Variants in CLIP1 observed in about 807,000 individuals in gnomAD.
CLIP1 encodes the protein CAP-Gly domain containing linker protein 1, also known as CAP-Gly domain-containing linker protein 1.
Under a neutral mutation model 161.6 loss-of-function variants are expected in CLIP1, and 66 were observed. The ratio of observed to expected loss-of-function variants is 0.41; its 90% CI spans 0.33 to 0.50. The LOEUF (loss-of-function observed/expected upper bound fraction) is 0.50, where lower values mean the gene tolerates loss of function less well. CLIP1 is among the 20% of genes least tolerant of loss of function. CLIP1 has a pLI of 0.27. For synonymous variants in CLIP1, 598 were observed against 626.2 expected (o/e 0.96, Z 0.67); for missense variants, 1,376 against 1,702.0 (o/e 0.81, Z 3.37).
intron 24 of CLIP1, 61 bp downstream of exon 24, chr12:122,278,093 G>A (rs1426763693): frequency 3.0e-5 from 45 of 1,481,032 alleles, no homozygotes; most frequent in Non-Finnish European, 3.7e-5. Context: ...GAAAATAAAC[G>A]AAAAGATTCA....
chr12:122,371,336 T>C (rs1313843618), intron 3 of CLIP1, among the ~76,000 whole-genome samples: 2 of 152,126 alleles, frequency 1.3e-5, no homozygotes, highest in Admixed American at 6.5e-5. Flanking sequence ...CAAGAGCCTA[T>C]ACAAAGTTCT....
intron 18 of CLIP1, among the ~76,000 whole-genome samples, chr12:122,317,361 G>A (rs1951311235): frequency 6.6e-6 from 1 of 152,136 alleles, no homozygotes; most frequent in Non-Finnish European, 1.5e-5. Flanking sequence ...TTTGTAGACT[G>A]GAAAAAAATT....
chr12:122,327,899 A>C, intron 17 of CLIP1, 48 bp downstream of exon 17: 2 of 1,568,452 alleles, frequency 1.3e-6, no homozygotes, highest in Non-Finnish European at 1.8e-6. Context: ...GCCTCGACAC[A>C]GAGCTCAGGC....
intron 20 of CLIP1, among the ~76,000 whole-genome samples, chr12:122,305,045 A>T (rs1342102883): frequency 1.3e-5 from 2 of 152,220 alleles, no homozygotes; most frequent in Non-Finnish European, 2.9e-5. Flanking sequence ...CATGAAATAC[A>T]GTTATTGAGT....
chr12:122,386,737 C>T (rs2136911447), intron 1 of CLIP1, among the ~76,000 whole-genome samples: 1 of 149,926 alleles, frequency 6.7e-6, no homozygotes, highest in South Asian at 2.1e-4. Context: ...CAGTGGTTCA[C>T]ATCTGTAATC....
rs1394329024 is a variant in CLIP1 at position 122,387,544 on chromosome 12, T to TTTCA, written c.-106-6990_-106-6987dup. ...AATTTCAACCCTTGAATACATGCCT[T>TTTCA]TTCATATATATATATATATATATAT... On this transcript the variant is annotated intron_variant, in intron 1 of 25. Coordinates refer to ENST00000620786, the MANE Select transcript of CLIP1 (RefSeq NM_001247997.2). Among the ~76,000 whole-genome samples the TTTCA allele has an allele frequency of 1.0e-4, 10 of 99,344 alleles. No homozygotes were observed. In the South Asian group the frequency reaches 2.0e-3, roughly 20 times the overall value. 65.2% of individuals were successfully genotyped at this position (99,344 alleles called of 152,430 possible). A position where few individuals can be genotyped will look rare whatever the true frequency, so the allele number is the denominator to read the frequency against.
intron 10 of CLIP1, among the ~76,000 whole-genome samples, chr12:122,346,491 G>A (rs1952754849): frequency 6.6e-6 from 1 of 152,076 alleles, no homozygotes; most frequent in South Asian, 2.1e-4. Flanking sequence ...CCTCACCACT[G>A]AGGGTTTTTT....
At chr12:122,303,680 C>A (rs1266630632) in intron 20 of CLIP1, among the ~76,000 whole-genome samples, 1 of 152,188 alleles carries the variant, frequency 6.6e-6, no homozygotes, top group Non-Finnish European at 1.5e-5. Context: ...CCAGTCAGCT[C>A]TTTCCACAGT....
intron 1 of CLIP1, among the ~76,000 whole-genome samples, chr12:122,407,501 G>T (rs1044898301): frequency 2.0e-5 from 3 of 151,712 alleles, no homozygotes; most frequent in Non-Finnish European, 4.4e-5. Context: ...TTGAGCCCAG[G>T]AGTTCAAAAC....
chr12:122,371,122 G>T (rs1052051974), intron 3 of CLIP1, among the ~76,000 whole-genome samples: 2 of 152,126 alleles, frequency 1.3e-5, no homozygotes, highest in African/African-American at 4.8e-5. Flanking sequence ...GCTACCAAGT[G>T]TCTGAGGCTC....
chr12:122,406,290 A>G (rs899171873), intron 1 of CLIP1, among the ~76,000 whole-genome samples: 11 of 152,104 alleles, frequency 7.2e-5, no homozygotes, highest in African/African-American at 2.7e-4. Flanking sequence ...TGCAAAAAAT[A>G]CAAAAATTAG....
Position 122,353,653 on chromosome 12 carries a change from C to A in CLIP1, c.1307+800G>T, listed in dbSNP as rs544037167. ...AATGTTTTCTTTTTTTTTTTTGAGA[C>A]GGAGTCTTGCTCTGTCACCCAGACT... On this transcript the variant is annotated intron_variant, in intron 7 of 25. Transcript: ENST00000620786. Among the ~76,000 whole-genome samples the A allele has an allele frequency of 4.7e-4, 71 of 151,118 alleles. 1 individual carries two copies. Among genetic ancestry groups the A allele is most frequent in the Middle Eastern group, 3.4e-3 (1 of 292 alleles).
chr12:122,342,489 G>C (rs1486543356), intron 10 of CLIP1: 2 of 152,182 alleles, frequency 1.3e-5, no homozygotes, highest in African/African-American at 4.8e-5. Context: ...TGTGGTATAA[G>C]TGCAAAATAC....
chr12:122,369,176 G>A (rs1345991849), intron 3 of CLIP1, among the ~76,000 whole-genome samples: 1 of 151,736 alleles, frequency 6.6e-6, no homozygotes, highest in Admixed American at 6.6e-5. Context: ...GTGCCACCAC[G>A]CCCGGCTAAT....
chr12:122,352,719 G>A lies in CLIP1; in HGVS notation c.1368+7C>T, dbSNP rs372468147. 12 of 1,611,716 alleles carry A rather than the reference G, an allele frequency of 7.4e-6. No individual in the cohort carries two copies. The African/African-American group carries it at 1.2e-4, about 16-fold the overall frequency. ...TAAAAGCTGTAAGAGAGCTGGAGGG[G>A]TTTTACCTCAAGATCACCTTTGGTA... is the stretch of plus-strand genomic sequence containing the variant. On this transcript the variant is annotated splice_region_variant and intron_variant, in intron 8 of 25. Transcript: ENST00000620786.
At chr12:122,316,314 G>A (rs1340257138) in intron 19 of CLIP1, among the ~76,000 whole-genome samples, 2 of 151,738 alleles carry the variant, frequency 1.3e-5, no homozygotes, top group East Asian at 1.9e-4. Context: ...GGGCTCAAGC[G>A]ATCCTCCCAC....
At chr12:122,341,901 AG>A (rs1952529457) in intron 10 of CLIP1, 1 of 367,374 alleles carries the variant, frequency 2.7e-6, no homozygotes, top group Admixed American at 4.6e-5. Context: ...CTCCTGCCTC[AG>A]CCTCCTGAGT....
intron 11 of CLIP1, among the ~76,000 whole-genome samples, 193 bp from the exon 12 acceptor site, chr12:122,336,941 T>C (rs1952253998): frequency 6.6e-6 from 1 of 151,488 alleles, no homozygotes. Flanking sequence ...TATGATATGA[T>C]TTCCTAATGG....
Position 122,289,148 on chromosome 12 carries a change from T to C in CLIP1, c.3595-607A>G, listed in dbSNP as rs953956819. Reference sequence around the variant, plus strand: ...CATCTTAAGCATTCAAAAATGTTAATTGGCCAGGCGCGGTGGCTCACACCT... The same window carrying C: ...CATCTTAAGCATTCAAAAATGTTAACTGGCCAGGCGCGGTGGCTCACACCT... On this transcript the variant is annotated intron_variant, in intron 20 of 25. Transcript: ENST00000620786. Among the ~76,000 whole-genome samples, 9 of 149,874 alleles carry C rather than the reference T, an allele frequency of 6.0e-5. No homozygotes were observed. In the South Asian group the frequency reaches 1.1e-3, roughly 18 times the overall value.
Sources: allele counts gnomAD v4.1 joint callset (sites outside exome capture counted in the v4.1 genomes callset), GRCh38; gene constraint gnomAD v4.1.1; transcripts MANE v1.5; gene names NCBI Gene and HGNC (gene_info 2026-07-23, HGNC 2026-07-21).